ZNF81: variants seen among roughly 807,000 people sequenced by gnomAD.
ZNF81 encodes zinc finger protein 81 (HFZ20).
In ZNF81, 5 loss-of-function variants were observed where a neutral mutation model predicts 32.3. The observed-to-expected ratio is 0.15, with a 90% CI of 0.08 to 0.33. The LOEUF (loss-of-function observed/expected upper bound fraction) is 0.33, where lower values mean the gene tolerates loss of function less well. Among genes scored for constraint, ZNF81 ranks in the 10% least tolerant of loss-of-function variants. The probability of loss-of-function intolerance (pLI) is 1.00; values close to 1 mark genes in which losing one functional copy is unlikely to be tolerated. For synonymous variants in ZNF81, 163 were observed against 166.8 expected (o/e 0.98, Z 0.17); for missense variants, 379 against 479.8 (o/e 0.79, Z 1.96).
chrX:47,867,319 C>T (rs1449705839), intron 2 of ZNF81, among the ~76,000 whole-genome samples: 3 of 111,942 alleles, frequency 2.7e-5, no homozygotes, highest in Admixed American at 9.5e-5. Flanking sequence ...AAAATTCATA[C>T]ACATATCAAA....
chrX:47,886,166 C>T (rs2058640933), intron 2 of ZNF81, among the ~76,000 whole-genome samples: 1 of 112,303 alleles, frequency 8.9e-6, no homozygotes, highest in East Asian at 2.8e-4. Flanking sequence ...TCTGGATCAC[C>T]TCAGGTCAGT....
At chrX:47,887,383 G>T (rs189236968) in intron 2 of ZNF81, among the ~76,000 whole-genome samples, 1 of 111,829 alleles carries the variant, frequency 8.9e-6, no homozygotes, top group African/African-American at 3.3e-5. Flanking sequence ...AAACAAATCA[G>T]TGATGCAACA....
In ZNF81 at chrX:47,923,298, TTCCGGCATCTTAGTGTCA is replaced by T. The variant is rs1374799879; in HGVS notation, c.*6670_*6687del. The stretch of plus-strand genomic sequence containing the variant: ...ACTGAGGTGGGATTTGAGAGCTTGT[TTCCGGCATCTTAGTGTCA>T]TCCAGCTATCTAAAGAAAATGTAGG... On this transcript the variant is annotated 3_prime_UTR_variant, in exon 5 of 5. Transcript: ENST00000338637. 9.0e-6 allele frequency among the ~76,000 whole-genome samples: 1 copy of T among 111,491 alleles called. No homozygotes were observed. The highest frequency in any genetic ancestry group is 1.9e-5 in the Non-Finnish European group (1 of 53,100).
At chrX:47,860,263 CCTCCTGGGTTCATGCCATT>C (rs1556882394) in intron 2 of ZNF81, among the ~76,000 whole-genome samples, 1 of 107,459 alleles carries the variant, frequency 9.3e-6, no homozygotes, top group Non-Finnish European at 1.9e-5. Context: ...GCAAGCTCCG[CCTCCTGGGTTCATGCCATT>C]CTCCTGCCTC....
intron 4 of ZNF81, among the ~76,000 whole-genome samples, chrX:47,914,046 G>GA (rs1249227491): frequency 8.3e-5 from 9 of 108,939 alleles, no homozygotes; most frequent in South Asian, 3.9e-4. Context: ...TCTATTAGTG[G>GA]AAAAAAAAAG....
chrX:47,884,139 G>T (rs1486763085), intron 2 of ZNF81, among the ~76,000 whole-genome samples: 1 of 107,374 alleles, frequency 9.3e-6, no homozygotes, highest in South Asian at 4.1e-4. Flanking sequence ...CCAGCTGCTC[G>T]GGAGGCTGAG....
At chrX:47,855,152 A>C (rs1488826599) in intron 2 of ZNF81, among the ~76,000 whole-genome samples, 1 of 81,341 alleles carries the variant, frequency 1.2e-5, no homozygotes, top group Non-Finnish European at 2.7e-5. Flanking sequence ...TCTAACAATC[A>C]AAAAAATAAA....
chrX:47,913,192 G>C (rs2058744950), intron 4 of ZNF81, among the ~76,000 whole-genome samples: 1 of 111,678 alleles, frequency 9.0e-6, no homozygotes, highest in South Asian at 3.7e-4. Flanking sequence ...GATTAGTGAG[G>C]ATTTAGAATT....
At chrX:47,847,404 T>C (rs1420241865) in intron 2 of ZNF81, among the ~76,000 whole-genome samples, 4 of 111,867 alleles carry the variant, frequency 3.6e-5, no homozygotes, top group Non-Finnish European at 5.6e-5. Flanking sequence ...CCCCATGTCA[T>C]AGAGGAGAAA....
At chrX:47,886,485 T>A (rs893436900) in intron 2 of ZNF81, among the ~76,000 whole-genome samples, 1 of 111,560 alleles carries the variant, frequency 9.0e-6, no homozygotes, top group African/African-American at 3.3e-5. Flanking sequence ...CCTTCTCTCT[T>A]TCAATGCCTT....
At position 47,922,412 on chromosome X, in the gene ZNF81, G is replaced by A. The variant is rs1337013431; in HGVS notation, c.*5780G>A. 1.4e-4 allele frequency among the ~76,000 whole-genome samples: 16 copies of A among 112,146 alleles called. No individual in the cohort carries two copies. Among genetic ancestry groups the A allele is most frequent in the African/African-American group, 5.2e-4 (16 of 30,864 alleles). On this transcript the variant is annotated 3_prime_UTR_variant, in exon 5 of 5. Coordinates refer to ENST00000338637, the MANE Select transcript of ZNF81 (RefSeq NM_007137.5). ...ATGGTTGCATGATAGTTTATGGGGT[G>A]GATGTACAATAATGTATTAAACTAT...
At chrX:47,861,260 C>T (rs974470678) in intron 2 of ZNF81, among the ~76,000 whole-genome samples, 1 of 111,677 alleles carries the variant, frequency 9.0e-6, no homozygotes, top group Non-Finnish European at 1.9e-5. Flanking sequence ...AAGTATGGAA[C>T]ACCTGTTAGA....
intron 4 of ZNF81, among the ~76,000 whole-genome samples, chrX:47,908,246 T>G (rs914499119): frequency 3.6e-5 from 4 of 109,696 alleles, no homozygotes; most frequent in Non-Finnish European, 5.7e-5. Context: ...AAAAAAGAGG[T>G]ATTCAAATGG....
intron 3 of ZNF81, among the ~76,000 whole-genome samples, chrX:47,888,964 G>A (rs1229917774): frequency 8.9e-6 from 1 of 112,058 alleles, no homozygotes; most frequent in East Asian, 2.8e-4. Flanking sequence ...GAACTTGTAT[G>A]TGATGAACCT....
At chrX:47,911,317 G>T (rs929105509) in intron 4 of ZNF81, among the ~76,000 whole-genome samples, 1 of 111,031 alleles carries the variant, frequency 9.0e-6, no homozygotes, top group Non-Finnish European at 1.9e-5. Flanking sequence ...TTTGTGCTCT[G>T]CCGTCCAGGT....
At position 47,887,932 on chromosome X, in the gene ZNF81, CCTAT is replaced by C. The variant is rs1422451573; in HGVS notation, c.55-64_55-61del. On this transcript the variant is annotated intron_variant, in intron 2 of 4. Transcript: ENST00000338637. ...GATGAAAAAGTATCAAAAAGAGCTT[CCTAT>C]CTGTTTTCTCTCCATCCTCCAGTGC... The C allele has an allele frequency of 9.2e-6, 11 of 1,191,739 alleles. No homozygotes were observed. In the African/African-American group the frequency reaches 1.9e-4, roughly 21 times the overall value.
intron 4 of ZNF81, among the ~76,000 whole-genome samples, chrX:47,899,651 C>A (rs1273467993): frequency 7.2e-5 from 8 of 110,602 alleles, no homozygotes; most frequent in Non-Finnish European, 1.5e-4. Flanking sequence ...TTCTGAAATA[C>A]TTTGTGTGAG....
At chrX:47,870,285 A>G (rs1026311214) in intron 2 of ZNF81, among the ~76,000 whole-genome samples, 2 of 112,088 alleles carry the variant, frequency 1.8e-5, no homozygotes, top group Non-Finnish European at 3.8e-5. Context: ...GCCAAACATA[A>G]GTTCAAAGGG....
At chrX:47,839,070 C>T (rs973474851) in intron 1 of ZNF81, among the ~76,000 whole-genome samples, 1 of 112,430 alleles carries the variant, frequency 8.9e-6, no homozygotes, top group African/African-American at 3.2e-5. Flanking sequence ...CAGGTGTTAG[C>T]CACTGCTCTT....
Sources: allele counts gnomAD v4.1 joint callset (sites outside exome capture counted in the v4.1 genomes callset), GRCh38; gene constraint gnomAD v4.1.1; transcripts MANE v1.5; gene names NCBI Gene and HGNC (gene_info 2026-07-23, HGNC 2026-07-21).